The following PARVA variants were observed in gnomAD, a reference collection of about 807,000 sequenced individuals.
The protein encoded by PARVA is parvin alpha.
Under a neutral mutation model 52.6 loss-of-function variants are expected in PARVA, and 25 were observed. The observed-to-expected ratio is 0.48, with a 90% CI of 0.35 to 0.66. The LOEUF is 0.66. Among genes scored for constraint, PARVA ranks in the 30% least tolerant of loss-of-function variants. The probability of loss-of-function intolerance (pLI) is 0.01; values close to 1 mark genes in which losing one functional copy is unlikely to be tolerated. For missense variants in PARVA, 373 were observed against 450.9 expected (o/e 0.83, Z 1.56); for synonymous variants, 185 against 179.1 (o/e 1.03, Z -0.26).
chr11:12,508,201 T>A (rs944040120), intron 6 of PARVA, among the ~76,000 whole-genome samples: 1 of 151,438 alleles, frequency 6.6e-6, no homozygotes, highest in African/African-American at 2.4e-5. Context: ...CAGTTAAATG[T>A]GTTTCTCAGC....
intron 1 of PARVA, among the ~76,000 whole-genome samples, chr11:12,410,535 G>A (rs914565854): frequency 2.6e-5 from 4 of 152,204 alleles, no homozygotes; most frequent in African/African-American, 4.8e-5. Flanking sequence ...ATTGCTATAC[G>A]AGGGCTTTTG....
chr11:12,377,797 G>C lies in PARVA; in HGVS notation c.136+14G>C. 1.4e-6 allele frequency: 2 copies of C among 1,478,008 alleles called. No homozygotes were observed. Among genetic ancestry groups the C allele is most frequent in the South Asian group, 1.3e-5 (1 of 76,034 alleles). 91.6% of individuals were successfully genotyped at this position (1,478,008 alleles called of 1,614,324 possible). A position where few individuals can be genotyped will look rare whatever the true frequency, so the allele number is the denominator to read the frequency against. ...AAGCCAAGGAGGGTGAGTGCGGCCA[G>C]GCCGGCCGGGCGGGCGGTAGGAGCC... On this transcript the variant is annotated intron_variant, in intron 1 of 12. Transcript: ENST00000334956.
intron 9 of PARVA, 52 bp downstream of exon 9, chr11:12,513,412 A>T (rs768306250): frequency 1.3e-6 from 2 of 1,525,086 alleles, no homozygotes; most frequent in East Asian, 4.5e-5. Flanking sequence ...GCAACAGAAC[A>T]TTGGGAAAAC....
Position 12,395,980 on chromosome 11 carries a change from G to A in PARVA, c.136+18197G>A, listed in dbSNP as rs1027515246. On this transcript the variant is annotated intron_variant, in intron 1 of 12. Transcript: ENST00000334956. ...AAGATTATCCTTGGCAATGCTCTGA[G>A]CATAGTTGATTCCATCTTCAGCATC... 3.3e-5 allele frequency among the ~76,000 whole-genome samples: 5 copies of A among 152,336 alleles called. No individual in the cohort carries two copies. In the East Asian group the frequency reaches 9.6e-4, roughly 29 times the overall value.
intron 1 of PARVA, among the ~76,000 whole-genome samples, chr11:12,386,560 A>G (rs2134948479): frequency 6.6e-6 from 1 of 152,272 alleles, no homozygotes; most frequent in African/African-American, 2.4e-5. Context: ...GTCACACACT[A>G]TGGTGACAGC....
At chr11:12,446,549 A>G (rs539842007) in intron 1 of PARVA, among the ~76,000 whole-genome samples, 2 of 152,384 alleles carry the variant, frequency 1.3e-5, no homozygotes, top group East Asian at 1.9e-4. Context: ...CTAGACTGCA[A>G]CAACCCAATG....
In PARVA at chr11:12,530,827, C is replaced by G. The variant is rs1005114874; in HGVS notation, c.*2902C>G. 6.6e-6 allele frequency: 1 copy of G among 152,058 alleles called. No individual in the cohort carries two copies. Among genetic ancestry groups the G allele is most frequent in the African/African-American group, 2.4e-5 (1 of 41,372 alleles). The allele number at this position is 152,058 out of a possible 1,614,324, so 9.4% of individuals were successfully genotyped here. A position where few individuals can be genotyped will look rare whatever the true frequency, so the allele number is the denominator to read the frequency against. On this transcript the variant is annotated 3_prime_UTR_variant, in exon 13 of 13. Transcript: ENST00000334956. Reference sequence around the variant, plus strand: ...TCTGAGCACTTCATAAATCCAAATGCGTATCTCCAGTCTGCTCGAGCTAGG... The same window carrying G: ...TCTGAGCACTTCATAAATCCAAATGGGTATCTCCAGTCTGCTCGAGCTAGG...
chr11:12,453,874 T>C (rs188541109), intron 1 of PARVA, among the ~76,000 whole-genome samples: 42 of 152,308 alleles, frequency 2.8e-4, no homozygotes, highest in African/African-American at 9.6e-4. Flanking sequence ...GGGATGGCCA[T>C]GGTGAGCGAG....
chr11:12,472,170 G>A (rs939564288), intron 1 of PARVA, among the ~76,000 whole-genome samples: 9 of 152,204 alleles, frequency 5.9e-5, no homozygotes, highest in African/African-American at 2.2e-4. Context: ...GAAGGAGGAG[G>A]ATTGTCTTAG....
intron 1 of PARVA, among the ~76,000 whole-genome samples, chr11:12,469,603 A>G (rs1940904091): frequency 6.6e-6 from 1 of 152,166 alleles, no homozygotes; most frequent in South Asian, 2.1e-4. Flanking sequence ...GAAAGTGGCC[A>G]CTAATGGGGC....
At chr11:12,497,267 A>G (rs1477463818) in intron 5 of PARVA, among the ~76,000 whole-genome samples, 1 of 152,204 alleles carries the variant, frequency 6.6e-6, no homozygotes, top group East Asian at 1.9e-4. Flanking sequence ...GGATTAGGTG[A>G]ATCTAGCAGT....
intron 8 of PARVA, among the ~76,000 whole-genome samples, chr11:12,511,871 G>A (rs1055675770): frequency 1.4e-4 from 22 of 152,160 alleles, no homozygotes; most frequent in African/African-American, 5.1e-4. Flanking sequence ...TATGATCTTG[G>A]TTTATCCAGC....
At chr11:12,521,148 G>A (rs1377956349) in intron 12 of PARVA, among the ~76,000 whole-genome samples, 1 of 152,112 alleles carries the variant, frequency 6.6e-6, no homozygotes, top group Non-Finnish European at 1.5e-5. Flanking sequence ...AAGTCTGTAG[G>A]ACTAAATATC....
chr11:12,412,998 T>C (rs1366154815), intron 1 of PARVA, among the ~76,000 whole-genome samples: 1 of 152,242 alleles, frequency 6.6e-6, no homozygotes, highest in Admixed American at 6.5e-5. Flanking sequence ...GTCAGTAACA[T>C]CCACTGTTTT....
At chr11:12,384,063 C>A (rs1243883279) in intron 1 of PARVA, among the ~76,000 whole-genome samples, 1 of 152,166 alleles carries the variant, frequency 6.6e-6, no homozygotes, top group African/African-American at 2.4e-5. Flanking sequence ...CTGCCCTAGT[C>A]CCTTCCAAGG....
intron 1 of PARVA, among the ~76,000 whole-genome samples, chr11:12,387,446 C>G (rs927457342): frequency 6.6e-6 from 1 of 152,164 alleles, no homozygotes; most frequent in African/African-American, 2.4e-5. Flanking sequence ...TGAATCATCA[C>G]TGGGCATCTT....
At chr11:12,414,898 T>C (rs562870150) in intron 1 of PARVA, among the ~76,000 whole-genome samples, 1 of 152,288 alleles carries the variant, frequency 6.6e-6, no homozygotes, top group Admixed American at 6.5e-5. Flanking sequence ...GGCAAGCCTT[T>C]GGACAAGAAG....
At chr11:12,485,707 C>A (rs1455494220) in intron 4 of PARVA, among the ~76,000 whole-genome samples, 2 of 151,900 alleles carry the variant, frequency 1.3e-5, no homozygotes, top group Admixed American at 1.3e-4. Flanking sequence ...GTAGATATAA[C>A]CCCTTCAAAA....
At chr11:12,497,285 G>A (rs945500281) in intron 5 of PARVA, among the ~76,000 whole-genome samples, 15 of 152,028 alleles carry the variant, frequency 9.9e-5, no homozygotes, top group Non-Finnish European at 1.9e-4. Flanking sequence ...AGTAGCAACT[G>A]GATTCCAAAG....
Sources: allele counts gnomAD v4.1 joint callset (sites outside exome capture counted in the v4.1 genomes callset), GRCh38; gene constraint gnomAD v4.1.1; transcripts MANE v1.5; gene names NCBI Gene and HGNC (gene_info 2026-07-23, HGNC 2026-07-21).